Variants in PPP2R3A observed in about 807,000 individuals in gnomAD.
PPP2R3A encodes serine/threonine-protein phosphatase 2A regulatory subunit B'' subunit alpha.
Under a neutral mutation model 106.9 loss-of-function variants are expected in PPP2R3A, and 80 were observed. The observed-to-expected ratio is 0.75, with a 90% CI of 0.62 to 0.90. The LOEUF is 0.90. Ranked by LOEUF, PPP2R3A falls within the 40% of genes least tolerant of loss-of-function variation. The pLI is 0.00. For synonymous variants in PPP2R3A, 483 were observed against 468.3 expected (o/e 1.03, Z -0.41); for missense variants, 1,386 against 1,350.4 (o/e 1.03, Z -0.41).
chr3:136,013,037 A>G (rs1230612490), intron 2 of PPP2R3A, among the ~76,000 whole-genome samples: 1 of 152,174 alleles, frequency 6.6e-6, no homozygotes, highest in East Asian at 1.9e-4. Flanking sequence ...ATAAGTGAGA[A>G]CATACGAGTT....
intron 13 of PPP2R3A, among the ~76,000 whole-genome samples, chr3:136,132,921 T>TC (rs2108020252): frequency 6.6e-6 from 1 of 152,146 alleles, no homozygotes; most frequent in South Asian, 2.1e-4. Flanking sequence ...AGTGTAACAC[T>TC]CCAACTAATT....
chr3:136,099,348 C>T (rs933286189), intron 10 of PPP2R3A, among the ~76,000 whole-genome samples: 1 of 151,608 alleles, frequency 6.6e-6, no homozygotes, highest in Non-Finnish European at 1.5e-5. Flanking sequence ...AGATAAAGGC[C>T]AGACAAATAG....
In PPP2R3A at chr3:136,040,851, A is replaced by T; in HGVS notation, c.2263-8A>T. Reference sequence around the variant, plus strand: ...TTGGCTTACCCTGTATGTGTTTTCTATTTGCAGGTCTGTGGCTGTCCTCTC... The same window carrying T: ...TTGGCTTACCCTGTATGTGTTTTCTTTTTGCAGGTCTGTGGCTGTCCTCTC... On this transcript the variant is annotated splice_region_variant and splice_polypyrimidine_tract_variant and intron_variant, in intron 3 of 13. Transcript: ENST00000264977. 1 of 1,608,052 alleles carries T rather than the reference A, an allele frequency of 6.2e-7. No individual in the cohort carries two copies. Among genetic ancestry groups the T allele is most frequent in the Non-Finnish European group, 8.5e-7 (1 of 1,177,350 alleles).
Position 136,030,761 on chromosome 3 carries a change from CATAT to C in PPP2R3A, c.2262+3680_2262+3683del, listed in dbSNP as rs374923726. Among the ~76,000 whole-genome samples the C allele has an allele frequency of 5.5e-3, 548 of 100,374 alleles. 10 individuals are homozygous for C. The highest frequency in any genetic ancestry group is 9.0e-3 in the African/African-American group (207 of 22,986). 65.8% of individuals were successfully genotyped at this position (100,374 alleles called of 152,430 possible). ...TTTATGGCTGAGTAGTATTCCATCA[CATAT>C]ATATATATATATATATGTATGTATG... On this transcript the variant is annotated intron_variant, in intron 3 of 13. Coordinates refer to ENST00000264977, the MANE Select transcript of PPP2R3A (RefSeq NM_002718.5).
chr3:136,103,355 A>G lies in PPP2R3A; in HGVS notation c.3201A>G (p.Arg1067=). The G allele has an allele frequency of 1.9e-6, 3 of 1,603,062 alleles. No homozygotes were observed. The South Asian group carries it at 3.3e-5, about 18-fold the overall frequency. The change falls in exon 12 of 14, where the codon AGA becomes AGG. Residue 1067 remains arginine (R), a synonymous_variant. Coordinates refer to ENST00000264977, the MANE Select transcript of PPP2R3A (RefSeq NM_002718.5). ...AGAAATACTTAGACCATGAACAGAG[A>G]GATCCCTTTGCGGTCCAGAAGGTAA... ...NLEKYLDHEQ[R]DPFAVQKDVE... is the part of the protein sequence containing the mutation.
chr3:136,079,907 T>C (rs1936726658), intron 7 of PPP2R3A, among the ~76,000 whole-genome samples: 1 of 152,168 alleles, frequency 6.6e-6, no homozygotes, highest in Non-Finnish European at 1.5e-5. Context: ...CCCTGCCCCT[T>C]TCCTTAGTCT....
chr3:136,005,005 A>G (rs926531946), intron 2 of PPP2R3A, among the ~76,000 whole-genome samples: 2 of 152,200 alleles, frequency 1.3e-5, no homozygotes, highest in Admixed American at 6.5e-5. Flanking sequence ...GCATATTGTC[A>G]TCAGATGAAT....
chr3:136,113,190 G>A (rs1308945403), intron 13 of PPP2R3A, among the ~76,000 whole-genome samples: 6 of 45,854 alleles, frequency 1.3e-4, no homozygotes, highest in Admixed American at 9.4e-4. Flanking sequence ...AACAAAGCCA[G>A]GAGCATCACA....
chr3:136,052,383 T>A (rs923299193), intron 5 of PPP2R3A, among the ~76,000 whole-genome samples: 1 of 152,192 alleles, frequency 6.6e-6, no homozygotes, highest in Admixed American at 6.5e-5. Context: ...CAATACAGCT[T>A]CTGCTGGACA....
chr3:136,086,950 C>T (rs1194775141), intron 8 of PPP2R3A, among the ~76,000 whole-genome samples: 1 of 152,174 alleles, frequency 6.6e-6, no homozygotes, highest in Non-Finnish European at 1.5e-5. Flanking sequence ...GCCTGTATTC[C>T]TAGCACTTTG....
Position 136,022,857 on chromosome 3 carries a change from G to T in PPP2R3A, c.1996-3975G>T, listed in dbSNP as rs1045542314. ...CTTGAAAATTATGAGCAGGTATTGG[G>T]AGCCACAGACTGTATTTGGGAACCA... On this transcript the variant is annotated intron_variant, in intron 2 of 13. Coordinates refer to ENST00000264977, the MANE Select transcript of PPP2R3A (RefSeq NM_002718.5). The T allele has an allele frequency of 1.3e-5, 17 of 1,344,804 alleles. No individual in the cohort carries two copies. In the African/African-American group the frequency reaches 2.6e-4, roughly 20 times the overall value. The allele number at this position is 1,344,804 out of a possible 1,614,324, so 83.3% of individuals were successfully genotyped here.
chr3:136,126,977 A>T (rs1938205004), intron 13 of PPP2R3A, among the ~76,000 whole-genome samples: 1 of 151,910 alleles, frequency 6.6e-6, no homozygotes, highest in Non-Finnish European at 1.5e-5. Context: ...AACATCAACA[A>T]AAAGGTCATC....
intron 2 of PPP2R3A, among the ~76,000 whole-genome samples, chr3:136,004,901 T>A (rs1371000562): frequency 6.6e-6 from 1 of 152,162 alleles, no homozygotes; most frequent in African/African-American, 2.4e-5. Flanking sequence ...AAAAACTAAT[T>A]GGATATTTGA....
chr3:136,032,533 T>TA (rs1055352967), intron 3 of PPP2R3A, among the ~76,000 whole-genome samples: 2 of 150,320 alleles, frequency 1.3e-5, no homozygotes, highest in African/African-American at 2.4e-5. Context: ...TTTATTTATT[T>TA]TTTTTTTTTC....
intron 10 of PPP2R3A, among the ~76,000 whole-genome samples, chr3:136,097,818 T>TA (rs1190214757): frequency 2.7e-4 from 40 of 148,502 alleles, no homozygotes; most frequent in African/African-American, 7.1e-4. Context: ...CATTATTACT[T>TA]AAAAAAAAAA....
At position 136,090,678 on chromosome 3, in the gene PPP2R3A, T is replaced by C; in HGVS notation, c.2927+11T>C. The C allele has an allele frequency of 1.9e-6, 3 of 1,604,710 alleles. No individual in the cohort carries two copies. The highest frequency in any genetic ancestry group is 2.6e-6 in the Non-Finnish European group (3 of 1,172,136). ...AAGGAATCCTACCAGGTATGATTTC[T>C]AAGTTTCCTTTGCCAAGATGTTAAA... On this transcript the variant is annotated intron_variant, in intron 10 of 13. Coordinates refer to ENST00000264977, the MANE Select transcript of PPP2R3A (RefSeq NM_002718.5).
chr3:136,053,225 A>G (rs1935741051), intron 5 of PPP2R3A, among the ~76,000 whole-genome samples: 1 of 152,206 alleles, frequency 6.6e-6, no homozygotes, highest in Non-Finnish European at 1.5e-5. Context: ...CTGTACCACA[A>G]AGCCCTGTGA....
intron 9 of PPP2R3A, among the ~76,000 whole-genome samples, chr3:136,089,240 A>C (rs536574781): frequency 2.5e-4 from 38 of 152,240 alleles, no homozygotes; most frequent in African/African-American, 8.7e-4. Flanking sequence ...TCTTTAATCC[A>C]TTGTGAATTA....
chr3:136,097,146 A>G (rs1020312822), intron 10 of PPP2R3A, among the ~76,000 whole-genome samples: 1 of 152,184 alleles, frequency 6.6e-6, no homozygotes, highest in African/African-American at 2.4e-5. Context: ...TTTTCCTACA[A>G]TAAATAGTCA....
Sources: allele counts gnomAD v4.1 joint callset (sites outside exome capture counted in the v4.1 genomes callset), GRCh38; gene constraint gnomAD v4.1.1; transcripts MANE v1.5; gene names NCBI Gene and HGNC (gene_info 2026-07-23, HGNC 2026-07-21).